The following SAMMSON variants were observed in gnomAD, a reference collection of about 807,000 sequenced individuals.
The protein encoded by SAMMSON is long intergenic non-protein coding RNA 1212.
At chr3:70,334,158 T>C (rs1212605255) in intron 7 of SAMMSON, among the ~76,000 whole-genome samples, 1 of 152,194 alleles carries the variant, frequency 6.6e-6, no homozygotes, top group Non-Finnish European at 1.5e-5. Flanking sequence ...TAGTTGAAGA[T>C]AACATAGTTA....
chr3:70,351,301 G>C (rs912778768), intron 7 of SAMMSON, among the ~76,000 whole-genome samples: 1 of 152,098 alleles, frequency 6.6e-6, no homozygotes, highest in African/African-American at 2.4e-5. Context: ...TAAATACCTG[G>C]ATAGAGCCTG....
At chr3:70,373,153 T>A (rs931380993) in intron 9 of SAMMSON, among the ~76,000 whole-genome samples, 3 of 152,144 alleles carry the variant, frequency 2.0e-5, no homozygotes, top group African/African-American at 7.2e-5. Context: ...CTCCCATTAG[T>A]CATTTTTTAA....
At chr3:70,027,142 T>A (rs977779820) in intron 3 of SAMMSON, among the ~76,000 whole-genome samples, 3 of 152,212 alleles carry the variant, frequency 2.0e-5, no homozygotes, top group Admixed American at 2.0e-4. Context: ...GGTTGAGTGT[T>A]CATAATGATT....
At chr3:70,377,046 C>G (rs1353299715) in intron 9 of SAMMSON, among the ~76,000 whole-genome samples, 5 of 152,010 alleles carry the variant, frequency 3.3e-5, no homozygotes, top group Non-Finnish European at 5.9e-5. Flanking sequence ...TTTAAGATAT[C>G]TTATAAAAAT....
chr3:70,172,080 A>G (rs1700961929), intron 4 of SAMMSON, among the ~76,000 whole-genome samples: 1 of 151,926 alleles, frequency 6.6e-6, no homozygotes. Context: ...TAGATAATTG[A>G]TCTGATCCAC....
chr3:70,206,246 T>C (rs1006942334), intron 4 of SAMMSON, among the ~76,000 whole-genome samples: 6 of 152,044 alleles, frequency 3.9e-5, no homozygotes, highest in African/African-American at 1.4e-4. Context: ...ATAGACTGAA[T>C]AGTTCCATGT....
Position 70,290,607 on chromosome 3 carries a change from T to C in SAMMSON, n.675-572T>C, listed in dbSNP as rs540327470. ...CTCCACCCAGTTCGAGTTTCCGGGCTGTTTTGATTACCTCAGCAAGCCTGG... is the reference window on the plus strand; with the variant it reads ...CTCCACCCAGTTCGAGTTTCCGGGCCGTTTTGATTACCTCAGCAAGCCTGG... On this transcript the variant is annotated intron_variant and non_coding_transcript_variant, in intron 6 of 9. Coordinates refer to ENST00000642114, the Ensembl canonical transcript of SAMMSON. 4.3e-4 allele frequency among the ~76,000 whole-genome samples: 65 copies of C among 152,344 alleles called. 1 individual carries two copies. Among genetic ancestry groups the C allele is most frequent in the Non-Finnish European group, 1.0e-4 (7 of 68,012 alleles).
chr3:70,020,369 C>G (rs1341555781), intron 3 of SAMMSON, among the ~76,000 whole-genome samples: 1 of 152,060 alleles, frequency 6.6e-6, no homozygotes, highest in South Asian at 2.1e-4. Flanking sequence ...AATTTTTGAC[C>G]TCTCCTAGGA....
intron 7 of SAMMSON, among the ~76,000 whole-genome samples, chr3:70,307,059 C>A (rs942446795): frequency 2.6e-5 from 4 of 151,892 alleles, no homozygotes; most frequent in African/African-American, 9.7e-5. Context: ...TATGGAAAAC[C>A]AGTTTTCAGA....
intron 7 of SAMMSON, among the ~76,000 whole-genome samples, chr3:70,294,319 C>A (rs1422796012): frequency 6.6e-6 from 1 of 151,952 alleles, no homozygotes; most frequent in East Asian, 1.9e-4. Context: ...ATGAATAGAC[C>A]TTGTAGTACA....
intron 2 of SAMMSON, among the ~76,000 whole-genome samples, chr3:70,415,902 A>AT (rs1159809776): frequency 6.6e-6 from 1 of 152,012 alleles, no homozygotes; most frequent in Non-Finnish European, 1.5e-5. Flanking sequence ...TACATTTCAC[A>AT]TTTTTTTGCT....
intron 4 of SAMMSON, among the ~76,000 whole-genome samples, chr3:70,247,572 A>G (rs1341910679): frequency 6.6e-6 from 1 of 151,892 alleles, no homozygotes; most frequent in Non-Finnish European, 1.5e-5. Flanking sequence ...TATCAATGCC[A>G]CAACTCAATT....
intron 4 of SAMMSON, among the ~76,000 whole-genome samples, chr3:70,193,248 A>T (rs914103374): frequency 1.3e-5 from 2 of 152,150 alleles, no homozygotes; most frequent in Non-Finnish European, 2.9e-5. Flanking sequence ...GGAGCAATTC[A>T]GACCTCTGTT....
At chr3:70,323,352 G>A (rs529115062) in intron 7 of SAMMSON, among the ~76,000 whole-genome samples, 1 of 152,228 alleles carries the variant, frequency 6.6e-6, no homozygotes, top group Admixed American at 6.5e-5. Context: ...TTTCTACATT[G>A]CCAGCTCATT....
intron 4 of SAMMSON, among the ~76,000 whole-genome samples, chr3:70,248,745 C>G (rs1701731757): frequency 6.6e-6 from 1 of 152,060 alleles, no homozygotes; most frequent in Non-Finnish European, 1.5e-5. Context: ...AAGAACTCAA[C>G]AGCTCAACAT....
intron 6 of SAMMSON, among the ~76,000 whole-genome samples, chr3:70,286,312 G>A (rs1237245169): frequency 1.3e-5 from 2 of 152,260 alleles, no homozygotes; most frequent in East Asian, 3.9e-4. Flanking sequence ...TTATTAAATA[G>A]GGAATCCTTT....
chr3:70,227,763 A>C (rs2106741880), intron 4 of SAMMSON, among the ~76,000 whole-genome samples: 2 of 152,320 alleles, frequency 1.3e-5, no homozygotes, highest in Middle Eastern at 6.8e-3. Context: ...GATAAGCACT[A>C]CTACCCTCCA....
chr3:70,336,895 T>A (rs1048297857), intron 7 of SAMMSON, among the ~76,000 whole-genome samples: 1 of 147,568 alleles, frequency 6.8e-6, no homozygotes, highest in Non-Finnish European at 1.5e-5. Context: ...CACTGAAGAA[T>A]AGAGCTCCTA....
At chr3:70,303,530 A>T (rs1702369957) in intron 7 of SAMMSON, among the ~76,000 whole-genome samples, 2 of 152,140 alleles carry the variant, frequency 1.3e-5, no homozygotes, top group Non-Finnish European at 2.9e-5. Flanking sequence ...TCCCTTCTAG[A>T]TTGTGAGCTA....
Sources: allele counts gnomAD v4.1 joint callset (sites outside exome capture counted in the v4.1 genomes callset), GRCh38; gene constraint gnomAD v4.1.1; transcripts MANE v1.5; gene names NCBI Gene and HGNC (gene_info 2026-07-23, HGNC 2026-07-21).